Variants in SPINT2 observed in about 807,000 individuals in gnomAD.
The protein encoded by SPINT2 is serine peptidase inhibitor, Kunitz type 2.
A neutral mutation model predicts 30.1 loss-of-function variants in SPINT2; 18 were observed. That is an observed-to-expected ratio of 0.60 (90% CI 0.41 to 0.89). The LOEUF is 0.89. Among genes scored for constraint, SPINT2 ranks in the 40% least tolerant of loss-of-function variants. The probability of loss-of-function intolerance (pLI) is 0.00; values close to 1 mark genes in which losing one functional copy is unlikely to be tolerated. For synonymous variants in SPINT2, 139 were observed against 137.9 expected, an observed-to-expected ratio of 1.01 and a Z score of -0.05; for missense variants, 276 against 334.3, an observed-to-expected ratio of 0.83 and a Z score of 1.36.
chr19:38,274,018 C>G (rs566127198), intron 1 of SPINT2, among the ~76,000 whole-genome samples: 1 of 151,672 alleles, frequency 6.6e-6, no homozygotes, highest in Non-Finnish European at 1.5e-5. Context: ...ATCATTTGAG[C>G]CCAGGACTTC....
chr19:38,288,749 C>G (rs991595285), intron 3 of SPINT2: 1 of 257,348 alleles, frequency 3.9e-6, no homozygotes, highest in African/African-American at 2.2e-5. Context: ...CCTGTCCTGG[C>G]TTTGCTCTGC....
intron 1 of SPINT2, among the ~76,000 whole-genome samples, chr19:38,267,105 A>G (rs1249871843): frequency 1.3e-5 from 2 of 152,220 alleles, no homozygotes; most frequent in Non-Finnish European, 2.9e-5. Context: ...GTCTCACTGC[A>G]GAGGCCTTCT....
intron 1 of SPINT2, among the ~76,000 whole-genome samples, chr19:38,269,246 C>T (rs1047777398): frequency 1.3e-4 from 20 of 151,418 alleles, no homozygotes; most frequent in Admixed American, 6.6e-4. Flanking sequence ...TACAGGCGCC[C>T]GCCACCACGC....
At chr19:38,266,135 G>A (rs976518638) in intron 1 of SPINT2, among the ~76,000 whole-genome samples, 15 of 152,170 alleles carry the variant, frequency 9.9e-5, no homozygotes, top group African/African-American at 3.6e-4. Context: ...AGAGTACAAA[G>A]GCCTTGAAGC....
chr19:38,280,541 A>G (rs1039955053), intron 1 of SPINT2, among the ~76,000 whole-genome samples: 23 of 152,224 alleles, frequency 1.5e-4, no homozygotes, highest in African/African-American at 5.1e-4. Flanking sequence ...GCACGAGGGC[A>G]CTGGCAAGAG....
At chr19:38,272,497 C>A (rs939330580) in intron 1 of SPINT2, among the ~76,000 whole-genome samples, 10 of 152,106 alleles carry the variant, frequency 6.6e-5, no homozygotes, top group African/African-American at 2.4e-4. Context: ...GAAAATGGTC[C>A]ATGATTTGCA....
At chr19:38,287,199 G>A (rs1968652424) in intron 2 of SPINT2, among the ~76,000 whole-genome samples, 1 of 151,568 alleles carries the variant, frequency 6.6e-6, no homozygotes, top group Non-Finnish European at 1.5e-5. Flanking sequence ...AACTTTTTGG[G>A]TTTTTTTGTT....
At chr19:38,280,357 G>A (rs1419473472) in intron 1 of SPINT2, among the ~76,000 whole-genome samples, 1 of 152,188 alleles carries the variant, frequency 6.6e-6, no homozygotes, top group South Asian at 2.1e-4. Flanking sequence ...CTGACTTCAA[G>A]CATCGTGTTC....
chr19:38,287,646 G>A (rs1968658445), intron 2 of SPINT2, among the ~76,000 whole-genome samples: 2 of 152,214 alleles, frequency 1.3e-5, no homozygotes. Flanking sequence ...TCTTTTTAAG[G>A]TCACTTTGCA....
intron 1 of SPINT2, among the ~76,000 whole-genome samples, chr19:38,273,767 G>A (rs1968483421): frequency 6.6e-6 from 1 of 152,100 alleles, no homozygotes; most frequent in Admixed American, 6.6e-5. Flanking sequence ...GCTTGAGGTT[G>A]TACTTTTGGC....
chr19:38,284,530 G>A (rs1180994902), intron 2 of SPINT2, among the ~76,000 whole-genome samples: 1 of 152,150 alleles, frequency 6.6e-6, no homozygotes, highest in Admixed American at 6.5e-5. Flanking sequence ...CCTGGTGGCC[G>A]TACAGTGGTT....
chr19:38,292,280 T>C lies in SPINT2; in HGVS notation c.*274T>C. The C allele has an allele frequency of 2.5e-6, 1 of 401,926 alleles. No homozygotes were observed. 24.9% of individuals were successfully genotyped at this position (401,926 alleles called of 1,614,324 possible). ...CCAGGTAGAGTTTTCTTTGCTTATG[T>C]TGAATTCCATTGCCTCTTTTCTCAT... On this transcript the variant is annotated 3_prime_UTR_variant, in exon 7 of 7. Transcript: ENST00000301244.
chr19:38,272,980 C>T (rs757062121), intron 1 of SPINT2, among the ~76,000 whole-genome samples: 12 of 152,150 alleles, frequency 7.9e-5, no homozygotes, highest in Non-Finnish European at 1.3e-4. Context: ...CCTCAGCCTC[C>T]CAGAGTGCTG....
chr19:38,290,497 G>A lies in SPINT2; in HGVS notation c.554-40G>A, dbSNP rs751789943. The stretch of plus-strand genomic sequence containing the variant: ...TCCCCTGCGGCAGCTCTGTGGAATG[G>A]GGGCTGTGAGCTGACCTCAGGCTGT... On this transcript the variant is annotated intron_variant, in intron 5 of 6. Coordinates refer to ENST00000301244, the MANE Select transcript of SPINT2 (RefSeq NM_021102.4). The surrounding 1 kb of genome is among the most constrained non-coding windows in gnomAD (Gnocchi z 4.3). 3 of 1,613,790 alleles carry A rather than the reference G, an allele frequency of 1.9e-6. No homozygotes were observed. Among genetic ancestry groups the A allele is most frequent in the Non-Finnish European group, 2.5e-6 (3 of 1,179,932 alleles).
chr19:38,283,380 A>G (rs1188430021), intron 1 of SPINT2, among the ~76,000 whole-genome samples: 2 of 152,154 alleles, frequency 1.3e-5, no homozygotes, highest in Non-Finnish European at 2.9e-5. Context: ...GGGACAGGGG[A>G]CAAAACACAC....
chr19:38,270,804 T>C (rs1449700560), intron 1 of SPINT2, among the ~76,000 whole-genome samples: 5 of 152,224 alleles, frequency 3.3e-5, no homozygotes, highest in Non-Finnish European at 5.9e-5. Flanking sequence ...CTGTTTGCCA[T>C]GTCTGGAGGC....
intron 1 of SPINT2, among the ~76,000 whole-genome samples, chr19:38,273,387 C>CTTCAGTACCTCCTGTCA (rs1968478790): frequency 6.6e-6 from 1 of 152,138 alleles, no homozygotes; most frequent in South Asian, 2.1e-4. Flanking sequence ...TTGAAATAGG[C>CTTCAGTACCTCCTGTCA]TTCAGTACCT....
At chr19:38,270,864 G>A (rs975500024) in intron 1 of SPINT2, among the ~76,000 whole-genome samples, 11 of 152,200 alleles carry the variant, frequency 7.2e-5, no homozygotes, top group East Asian at 5.8e-4. Flanking sequence ...CATGTGAGGC[G>A]GGAGAGAGCC....
chr19:38,266,404 T>A (rs1025370474), intron 1 of SPINT2, among the ~76,000 whole-genome samples: 1 of 149,504 alleles, frequency 6.7e-6, no homozygotes, highest in African/African-American at 2.5e-5. Context: ...GGCCGGGTGA[T>A]GTGGCTCATG....
Sources: allele counts gnomAD v4.1 joint callset (sites outside exome capture counted in the v4.1 genomes callset), GRCh38; gene constraint gnomAD v4.1.1; non-coding constraint Gnocchi (gnomAD v3.1); transcripts MANE v1.5; gene names NCBI Gene and HGNC (gene_info 2026-07-23, HGNC 2026-07-21).